The following BTN3A3 variants were observed in gnomAD, a reference collection of about 807,000 sequenced individuals.
The protein encoded by BTN3A3 is butyrophilin subfamily 3 member A3.
Under a neutral mutation model 43.2 loss-of-function variants are expected in BTN3A3, and 39 were observed. That is an observed-to-expected ratio of 0.90 (90% CI 0.70 to 1.18). BTN3A3 has a LOEUF of 1.18. Ranked by LOEUF, BTN3A3 falls within the 50% of genes most tolerant of loss-of-function variation. BTN3A3 has a pLI of 0.00. For missense variants in BTN3A3, 631 were observed against 722.8 expected, an observed-to-expected ratio of 0.87 and a Z score of 1.46; for synonymous variants, 255 against 272.7, an observed-to-expected ratio of 0.93 and a Z score of 0.64.
rs965704959 is a variant in BTN3A3 at position 26,445,820 on chromosome 6, G to T, written c.550G>T (p.Gly184Ter). 6.2e-7 allele frequency: 1 copy of T among 1,614,214 alleles called. No homozygotes were observed. The highest frequency in any genetic ancestry group is 1.3e-5 in the African/African-American group (1 of 75,046). ...QPQIKWSDTK[G>*]ENIPAVEAPV... ...CCAAATAAAGTGGAGCGACACCAAG[G>T]GAGAGAACATCCCGGCTGTGGAAGC... Residue 184 changes from glycine (G) to a stop codon, truncating the protein, a stop_gained, in exon 5 of 11, where the codon GGA (glycine) becomes TGA (stop). Transcript: ENST00000244519. LOFTEE classifies it high-confidence loss of function.
Position 26,448,617 on chromosome 6 carries a change from A to G in BTN3A3, c.917A>G (p.Glu306Gly), listed in dbSNP as rs754659772. ...TTTTCTTTTTTTGCTTATTTTCCAG[A>G]GAAGCTCCAGGAGGAACTCAGTAAG... ...AATEQEISLR[E>G]KLQEELKWRK... Residue 306 changes from glutamate (E) to glycine (G), a missense_variant and splice_region_variant, in exon 7 of 11, where the codon GAG becomes GGG. Around this residue, in one of 2 missense-constraint regions of BTN3A3, gnomAD observed 551 missense variants for 584.0 expected, o/e 0.94. Coordinates refer to ENST00000244519, the MANE Select transcript of BTN3A3 (RefSeq NM_006994.5). The G allele has an allele frequency of 6.2e-7, 1 of 1,613,800 alleles. No homozygotes were observed. The highest frequency in any genetic ancestry group is 2.2e-5 in the East Asian group (1 of 44,832).
At position 26,452,136 on chromosome 6, in the gene BTN3A3, C is replaced by T. The variant is rs759099373; in HGVS notation, c.1480C>T (p.Pro494Ser). The change falls in exon 11 of 11, where the codon CCT becomes TCT. Residue 494 changes from proline (P) to serine (S), a missense_variant. Pro to Ser is a moderately conservative substitution (Grantham distance 74). Around this residue, in one of 2 missense-constraint regions of BTN3A3, gnomAD observed 551 missense variants for 584.0 expected, o/e 0.94. Coordinates refer to ENST00000244519, the MANE Select transcript of BTN3A3 (RefSeq NM_006994.5). ...YTFPHASFSE[P>S]LYPVFRILTL... is the part of the protein sequence containing the mutation. The stretch of plus-strand genomic sequence containing the variant: ...CTTTCCGCACGCCTCTTTCTCTGAG[C>T]CTCTATATCCTGTTTTCAGAATTTT... The T allele has an allele frequency of 1.2e-6, 2 of 1,614,162 alleles. No homozygotes were observed. Among genetic ancestry groups the T allele is most frequent in the South Asian group, 2.2e-5 (2 of 91,084 alleles).
Position 26,448,462 on chromosome 6 carries a change from G to A in BTN3A3, c.916+14G>A. The A allele has an allele frequency of 6.2e-7, 1 of 1,611,416 alleles. No individual in the cohort carries two copies. The highest frequency in any genetic ancestry group is 1.3e-5 in the African/African-American group (1 of 74,820). On this transcript the variant is annotated intron_variant, in intron 6 of 10. Transcript: ENST00000244519. The stretch of plus-strand genomic sequence containing the variant: ...TAAGCCTAAGAGGTATCCAACGCAA[G>A]CAGAGAATCTAAGCCCCTGGCTTGC...
At chr6:26,449,393 C>G (rs542257610) in intron 8 of BTN3A3, 3 of 482,504 alleles carry the variant, frequency 6.2e-6, no homozygotes. Context: ...TGCCCAGGTA[C>G]AGGAGTATAG....
chr6:26,442,639 G>C (rs1762668242), intron 1 of BTN3A3, among the ~76,000 whole-genome samples: 1 of 152,182 alleles, frequency 6.6e-6, no homozygotes, highest in Non-Finnish European at 1.5e-5. Flanking sequence ...ACAGTCTCCT[G>C]TTGGGTGGCT....
In BTN3A3 at chr6:26,450,109, T is replaced by G; in HGVS notation, c.994T>G (p.Trp332Gly). The G allele has an allele frequency of 6.2e-7, 1 of 1,613,748 alleles. No homozygotes were observed. Among genetic ancestry groups the G allele is most frequent in the Non-Finnish European group, 8.5e-7 (1 of 1,179,646 alleles). The change falls in exon 10 of 11, where the codon TGG becomes GGG. Residue 332 changes from tryptophan (W) to glycine (G), a missense_variant and splice_region_variant. This residue lies in a region of BTN3A3 where 551 missense variants were observed against 584.0 expected (regional missense o/e 0.94). Transcript: ENST00000244519. Reference protein sequence around the residue: ...RGEKSLAYHEWKMALFKPADV... With the variant: ...RGEKSLAYHEGKMALFKPADV... Reference sequence around the variant, plus strand: ...TATCTGTGTCTCCTTCCTTTCAGAATGGAAAATGGCCCTCTTCAAACCTGG... The same window carrying G: ...TATCTGTGTCTCCTTCCTTTCAGAAGGGAAAATGGCCCTCTTCAAACCTGG...
In BTN3A3 at chr6:26,443,627, T is replaced by C; in HGVS notation, c.53T>C (p.Leu18Pro). ...AFLLLNFHVS[L>P]FLVQLLTPCS... ...CTTCTGCTCAACTTTCATGTCTCCC[T>C]CTTCTTGGTCCAGCTGCTCACTCCT... The change falls in exon 3 of 11, where the codon CTC (leucine) becomes CCC (proline). Residue 18 changes from leucine (L) to proline (P), a missense_variant. Physicochemically the swap from Leu to Pro is moderately conservative, Grantham distance 98. This residue lies in a region of BTN3A3 where 80 missense variants were observed against 138.7 expected (regional missense o/e 0.58). Coordinates refer to ENST00000244519, the MANE Select transcript of BTN3A3 (RefSeq NM_006994.5). 1 of 1,614,222 alleles carries C rather than the reference T, an allele frequency of 6.2e-7. No individual in the cohort carries two copies. The highest frequency in any genetic ancestry group is 8.5e-7 in the Non-Finnish European group (1 of 1,180,038).
chr6:26,450,167 A>G, intron 10 of BTN3A3, 34 bp downstream of exon 10: 1 of 1,604,664 alleles, frequency 6.2e-7, no homozygotes, highest in Non-Finnish European at 8.5e-7. Context: ...CTGGATCAAC[A>G]ACCTGAGGGA....
chr6:26,444,539 A>T, intron 4 of BTN3A3: 1 of 666,238 alleles, frequency 1.5e-6, no homozygotes, highest in Non-Finnish European at 2.5e-6. Context: ...ACAACCAGAG[A>T]TATAAGGGAA....
intron 4 of BTN3A3, chr6:26,444,517 T>C: frequency 1.4e-6 from 1 of 739,458 alleles, no homozygotes; most frequent in Non-Finnish European, 2.2e-6. Flanking sequence ...AGTAAACAAC[T>C]CCCTCCCTCT....
intron 1 of BTN3A3, 124 bp downstream of exon 1, chr6:26,440,772 CTGTGTGTGTGTGTGTGTG>C (rs55866097): frequency 0.16 from 24,121 of 147,814 alleles, 2,013 homozygotes; most frequent in South Asian, 0.22. Context: ...TGCAGTGCCT[CTGTGTGTGTGTGTGTGTG>C]TGTGTGTGTG....
chr6:26,444,368 C>T, intron 4 of BTN3A3, 64 bp downstream of exon 4: 1 of 1,610,672 alleles, frequency 6.2e-7, no homozygotes, highest in Non-Finnish European at 8.5e-7. Context: ...TGCAGAGTCC[C>T]TCTTCCAAAA....
At chr6:26,450,075 C>G in intron 9 of BTN3A3, 32 bp from the exon 10 acceptor site, 1 of 1,609,990 alleles carries the variant, frequency 6.2e-7, no homozygotes, top group Non-Finnish European at 8.5e-7. Flanking sequence ...AAAATACTGA[C>G]CTTTTTCTTA....
chr6:26,450,258 C>A, intron 10 of BTN3A3, 125 bp downstream of exon 10: 1 of 1,160,532 alleles, frequency 8.6e-7, no homozygotes. Flanking sequence ...GGGTAGACAA[C>A]ATTAAATCCC....
chr6:26,448,804 C>T (rs757218314), intron 8 of BTN3A3, 50 bp downstream of exon 8: 1 of 1,609,824 alleles, frequency 6.2e-7, no homozygotes, highest in Non-Finnish European at 8.5e-7. Context: ...ATCTATGACT[C>T]TCTTCTGCTT....
chr6:26,450,240 A>G, intron 10 of BTN3A3, 107 bp downstream of exon 10: 1 of 1,387,746 alleles, frequency 7.2e-7, no homozygotes, highest in South Asian at 1.2e-5. Flanking sequence ...CTTGACTAAG[A>G]AAGTTTGGGG....
At position 26,452,963 on chromosome 6, in the gene BTN3A3, T is replaced by C. The variant is rs939982836; in HGVS notation, c.*552T>C. The C allele has an allele frequency of 1.9e-5, 3 of 154,988 alleles. No individual in the cohort carries two copies. Among genetic ancestry groups the C allele is most frequent in the African/African-American group, 7.2e-5 (3 of 41,440 alleles). 9.6% of individuals were successfully genotyped at this position (154,988 alleles called of 1,614,324 possible). On this transcript the variant is annotated 3_prime_UTR_variant, in exon 11 of 11. Transcript: ENST00000244519. The stretch of plus-strand genomic sequence containing the variant: ...CACTCCTTGGATTAGCTCTGCAGAG[T>C]GTCTTGGTTGAGAGAATAACCTCAT...
chr6:26,441,148 G>C (rs578074503), intron 1 of BTN3A3, among the ~76,000 whole-genome samples: 56 of 152,248 alleles, frequency 3.7e-4, no homozygotes, highest in Middle Eastern at 3.4e-3. Context: ...CAACAGGCAG[G>C]GGGTAGACAA....
At chr6:26,451,196 A>G (rs1475425602) in intron 10 of BTN3A3, among the ~76,000 whole-genome samples, 1 of 152,124 alleles carries the variant, frequency 6.6e-6, no homozygotes, top group African/African-American at 2.4e-5. Flanking sequence ...CCCCTATACT[A>G]CGCTAGAGAG....
Sources: gnomAD v4.1 joint callset for allele counts (sites outside exome capture counted in the v4.1 genomes callset) on GRCh38, gnomAD v4.1.1 for gene constraint, gnomAD v4.1.1 regional missense constraint, MANE v1.5 for transcripts, NCBI Gene and HGNC (gene_info 2026-07-23, HGNC 2026-07-21) for gene names.